RASGRF2: variants seen among roughly 807,000 people sequenced by gnomAD.
The protein encoded by RASGRF2 is Ras protein specific guanine nucleotide releasing factor 2, also known as ras-specific guanine nucleotide-releasing factor 2.
RASGRF2 carries 76 observed loss-of-function variants against 151.0 expected under a neutral mutation model. The observed-to-expected ratio is 0.50, with a 90% CI of 0.42 to 0.61. RASGRF2 has a LOEUF of 0.61. RASGRF2 is among the 20% of genes least tolerant of loss of function. RASGRF2 has a pLI of 0.00. For missense variants in RASGRF2, 1,148 were observed against 1,564.6 expected, an observed-to-expected ratio of 0.73 and a Z score of 4.49; for synonymous variants, 504 against 566.5, an observed-to-expected ratio of 0.89 and a Z score of 1.57.
intron 17 of RASGRF2, among the ~76,000 whole-genome samples, chr5:81,173,945 G>C (rs1754716596): frequency 6.6e-6 from 1 of 152,192 alleles, no homozygotes; most frequent in African/African-American, 2.4e-5. Flanking sequence ...TATAGATACT[G>C]ATTGAATAAT....
intron 17 of RASGRF2, among the ~76,000 whole-genome samples, chr5:81,131,757 C>A (rs153237): frequency 0.29 from 43,649 of 151,852 alleles, 6,567 homozygotes; most frequent in Middle Eastern, 0.47. Context: ...TGTCATGCTC[C>A]CTTTGTTTAC....
intron 18 of RASGRF2, among the ~76,000 whole-genome samples, chr5:81,184,623 C>T (rs188061364): frequency 8.3e-4 from 127 of 152,100 alleles, no homozygotes; most frequent in African/African-American, 2.8e-3. Context: ...GACAAGTGGC[C>T]GAGAATGAAA....
At chr5:81,155,719 T>G (rs962307532) in intron 17 of RASGRF2, among the ~76,000 whole-genome samples, 2 of 152,116 alleles carry the variant, frequency 1.3e-5, no homozygotes. Context: ...GGGTGACTGG[T>G]CTAAAGCATT....
intron 1 of RASGRF2, among the ~76,000 whole-genome samples, chr5:81,042,413 A>T (rs1299213083): frequency 2.0e-5 from 3 of 152,216 alleles, no homozygotes; most frequent in Admixed American, 2.0e-4. Context: ...AATGGCAGCA[A>T]TTGGACTGCA....
intron 18 of RASGRF2, among the ~76,000 whole-genome samples, chr5:81,198,073 T>TTC (rs150669732): frequency 7.9e-5 from 12 of 151,462 alleles, no homozygotes; most frequent in South Asian, 4.2e-4. Flanking sequence ...TTAACGTGTA[T>TTC]TCTCTCTCTC....
At chr5:81,136,930 CTG>C (rs2112591735) in intron 17 of RASGRF2, among the ~76,000 whole-genome samples, 1 of 95,350 alleles carries the variant, frequency 1.0e-5, no homozygotes, top group African/African-American at 2.7e-5. Flanking sequence ...ATTTCCGTGT[CTG>C]TGTTTTTTTA....
rs180761132 is a variant in RASGRF2 at position 81,214,576 on chromosome 5, C to T, written c.3355-1300C>T. On this transcript the variant is annotated intron_variant, in intron 23 of 26. Coordinates refer to ENST00000265080, the MANE Select transcript of RASGRF2 (RefSeq NM_006909.3). ...TTTTTTGAGCAAGGTTAGCCCTGGACCAAGCATGCCATCTCTAAGAGCCCT... is the reference window on the plus strand; with the variant it reads ...TTTTTTGAGCAAGGTTAGCCCTGGATCAAGCATGCCATCTCTAAGAGCCCT... 8.5e-5 allele frequency among the ~76,000 whole-genome samples: 13 copies of T among 152,328 alleles called. No individual in the cohort carries two copies. In the East Asian group the frequency reaches 2.1e-3, roughly 25 times the overall value.
intron 17 of RASGRF2, among the ~76,000 whole-genome samples, chr5:81,166,509 A>G (rs1194202193): frequency 6.6e-6 from 1 of 152,194 alleles, no homozygotes; most frequent in East Asian, 1.9e-4. Flanking sequence ...TTCTCCTGAC[A>G]AAAGCCCTTG....
chr5:80,988,008 CGTGTGTGTGTGTGTGTGTGTGTGTGTGT>C (rs58750663), intron 1 of RASGRF2, among the ~76,000 whole-genome samples: 1 of 139,396 alleles, frequency 7.2e-6, no homozygotes, highest in Non-Finnish European at 1.6e-5. Flanking sequence ...AATAAATGTG[CGTGTGTGTGTGTGTGTGTGTGTGTGTGT>C]GTGTGTGTGT....
chr5:81,106,582 C>G (rs775535356), intron 12 of RASGRF2, among the ~76,000 whole-genome samples: 2 of 152,170 alleles, frequency 1.3e-5, no homozygotes, highest in African/African-American at 4.8e-5. Context: ...ATTATGAATG[C>G]GTGCACCAGC....
chr5:81,199,631 C>T (rs1296047131), intron 18 of RASGRF2, among the ~76,000 whole-genome samples: 2 of 152,106 alleles, frequency 1.3e-5, no homozygotes, highest in Admixed American at 1.3e-4. Flanking sequence ...GTGTCTCATG[C>T]CTGTGCGGTG....
At chr5:81,132,161 G>A (rs153234) in intron 17 of RASGRF2, among the ~76,000 whole-genome samples, 50,555 of 151,924 alleles carry the variant, frequency 0.33, 8,718 homozygotes, top group Middle Eastern at 0.48. Context: ...AGATCGACGA[G>A]GGCAGAGATT....
intron 12 of RASGRF2, among the ~76,000 whole-genome samples, chr5:81,103,433 A>C (rs769055201): frequency 2.0e-5 from 3 of 152,148 alleles, no homozygotes; most frequent in Non-Finnish European, 4.4e-5. Flanking sequence ...AGAGATGGCA[A>C]ATATGAGAAA....
At chr5:81,101,106 A>G (rs1752687339) in intron 12 of RASGRF2, among the ~76,000 whole-genome samples, 1 of 152,210 alleles carries the variant, frequency 6.6e-6, no homozygotes, top group African/African-American at 2.4e-5. Context: ...ATGATCTAGG[A>G]ATCTAATTTT....
At position 81,201,401 on chromosome 5, in the gene RASGRF2, C is replaced by A; in HGVS notation, c.2865C>A (p.Asp955Glu). ...NLLEEVLRDPDLLPQERKAAA... is the reference protein window; with the variant it reads ...NLLEEVLRDPELLPQERKAAA... ...TAGAAGAAGTTTTGCGAGACCCAGA[C>A]CTTCTTCCCCAAGAAAGGAAAGCCG... The change falls in exon 19 of 27, where the codon GAC becomes GAA. Residue 955 changes from aspartate (D) to glutamate (E), a missense_variant. Asp to Glu is a conservative substitution (Grantham distance 45, BLOSUM62 2). Transcript: ENST00000265080. 1 of 1,613,976 alleles carries A rather than the reference C, an allele frequency of 6.2e-7. No homozygotes were observed. Among genetic ancestry groups the A allele is most frequent in the Non-Finnish European group, 8.5e-7 (1 of 1,179,942 alleles).
At chr5:80,998,372 G>A (rs1453942599) in intron 1 of RASGRF2, among the ~76,000 whole-genome samples, 6 of 151,770 alleles carry the variant, frequency 4.0e-5, no homozygotes, top group East Asian at 1.9e-4. Context: ...GTTTGATACC[G>A]TACATTCTGA....
chr5:80,973,439 A>T (rs770664371), intron 1 of RASGRF2, among the ~76,000 whole-genome samples: 4 of 152,176 alleles, frequency 2.6e-5, no homozygotes, highest in Non-Finnish European at 4.4e-5. Flanking sequence ...TCATTCCAGT[A>T]GCACTAACTT....
chr5:81,178,803 G>A (rs1196084000), intron 17 of RASGRF2, among the ~76,000 whole-genome samples: 1 of 151,880 alleles, frequency 6.6e-6, no homozygotes, highest in Non-Finnish European at 1.5e-5. Context: ...CAGTGGCGCC[G>A]TCTTGGCTCA....
chr5:81,030,384 T>C (rs1004874792), intron 1 of RASGRF2, among the ~76,000 whole-genome samples: 1 of 152,266 alleles, frequency 6.6e-6, no homozygotes, highest in African/African-American at 2.4e-5. Context: ...GAAAAAATAT[T>C]GAGGGCAGCC....
Sources: gnomAD v4.1 joint callset for allele counts (sites outside exome capture counted in the v4.1 genomes callset) on GRCh38, gnomAD v4.1.1 for gene constraint, MANE v1.5 for transcripts, NCBI Gene and HGNC (gene_info 2026-07-23, HGNC 2026-07-21) for gene names.